Variants in USP4 observed in about 807,000 individuals in gnomAD.
USP4 encodes the protein ubiquitin specific peptidase 4.
A neutral mutation model predicts 118.2 loss-of-function variants in USP4; 72 were observed. The ratio of observed to expected loss-of-function variants is 0.61; its 90% CI spans 0.50 to 0.74. The LOEUF is 0.74. Ranked by LOEUF, USP4 falls within the 30% of genes least tolerant of loss-of-function variation. The probability of loss-of-function intolerance (pLI) is 0.00; values close to 1 mark genes in which losing one functional copy is unlikely to be tolerated. For missense variants in USP4, 1,037 were observed against 1,185.7 expected (o/e 0.87, Z 1.84); for synonymous variants, 415 against 440.4 (o/e 0.94, Z 0.72).
chr3:49,324,506 T>C (rs1273878853), intron 6 of USP4, among the ~76,000 whole-genome samples, 196 bp downstream of exon 6: 1 of 152,186 alleles, frequency 6.6e-6, no homozygotes, highest in East Asian at 1.9e-4. Context: ...TGCTGAGATA[T>C]CCTGACAGGC....
chr3:49,288,020 A>T (rs1427913313), intron 15 of USP4, among the ~76,000 whole-genome samples: 1 of 152,210 alleles, frequency 6.6e-6, no homozygotes, highest in Admixed American at 6.5e-5. Context: ...GATTTAAAAC[A>T]AAGAATCTAC....
At chr3:49,286,047 C>T in intron 16 of USP4, 51 bp downstream of exon 16, 1 of 1,562,972 alleles carries the variant, frequency 6.4e-7, no homozygotes, top group South Asian at 1.1e-5. Flanking sequence ...GATTTTCAAA[C>T]AGATCCTAAG....
chr3:49,332,255 C>A (rs192442869), intron 2 of USP4, among the ~76,000 whole-genome samples: 1 of 152,054 alleles, frequency 6.6e-6, no homozygotes, highest in Non-Finnish European at 1.5e-5. Context: ...TCAGCCTAGA[C>A]GACAGAGCGA....
intron 14 of USP4, among the ~76,000 whole-genome samples, chr3:49,293,388 G>GGAGGTGAGGGTTGCAGT (rs754445713): frequency 2.6e-5 from 4 of 152,028 alleles, no homozygotes; most frequent in Non-Finnish European, 4.4e-5. Context: ...CTTGAACCTG[G>GGAGGTGAGGGTTGCAGT]GAGGTGAGGG....
intron 2 of USP4, among the ~76,000 whole-genome samples, chr3:49,333,009 G>C (rs1430733614): frequency 6.8e-6 from 1 of 147,642 alleles, no homozygotes; most frequent in Non-Finnish European, 1.5e-5. Context: ...CGAGGTAGCA[G>C]TAGCTACCTT....
intron 8 of USP4, among the ~76,000 whole-genome samples, chr3:49,308,121 C>A (rs773857139): frequency 4.6e-5 from 7 of 152,032 alleles, no homozygotes; most frequent in Non-Finnish European, 7.4e-5. Flanking sequence ...TGTCTGTTTG[C>A]CTGGTGGGCC....
Position 49,295,736 on chromosome 3 carries a change from C to CACACACACA in USP4, c.1692-1139_1692-1138insTGTGTGTGT, listed in dbSNP as rs1336643836. 3.2e-3 allele frequency among the ~76,000 whole-genome samples: 454 copies of CACACACACA among 142,956 alleles called. 4 individuals are homozygous for CACACACACA. Among genetic ancestry groups the CACACACACA allele is most frequent in the African/African-American group, 0.012 (436 of 37,520 alleles). The allele number at this position is 142,956 out of a possible 152,430, so 93.8% of individuals were successfully genotyped here. A position where few individuals can be genotyped will look rare whatever the true frequency, so the allele number is the denominator to read the frequency against. On this transcript the variant is annotated intron_variant, in intron 13 of 21. Coordinates refer to ENST00000265560, the MANE Select transcript of USP4 (RefSeq NM_003363.4). ...CGCGCACACACACACACACACACAC[C>CACACACACA]CCCCCCTCCCCAAATGCCTAGCAAA...
At chr3:49,324,617 T>A (rs776502267) in intron 6 of USP4, 85 bp downstream of exon 6, 15 of 1,283,476 alleles carry the variant, frequency 1.2e-5, no homozygotes, top group Non-Finnish European at 1.6e-5. Context: ...ATCAGAACAA[T>A]TTTTCTTAGT....
chr3:49,296,393 T>C lies in USP4; in HGVS notation c.1691+1477A>G, dbSNP rs1294216761. ...GGCCGAGCACAGTGGCTCACGCCTG[T>C]AATCCCAGCACTTTGGGAGGCCAAG... On this transcript the variant is annotated intron_variant, in intron 13 of 21. Transcript: ENST00000265560. Among the ~76,000 whole-genome samples, 8 of 152,190 alleles carry C rather than the reference T, an allele frequency of 5.3e-5. No individual in the cohort carries two copies. In the South Asian group the frequency reaches 1.5e-3, roughly 28 times the overall value.
intron 6 of USP4, among the ~76,000 whole-genome samples, chr3:49,318,993 T>C (rs1423901156): frequency 6.7e-6 from 1 of 149,052 alleles, no homozygotes; most frequent in Admixed American, 6.7e-5. Flanking sequence ...CCAAGAAATA[T>C]ATTAAATTGG....
chr3:49,284,698 G>A, intron 17 of USP4, 114 bp from the exon 18 acceptor site: 3 of 1,240,996 alleles, frequency 2.4e-6, no homozygotes, highest in South Asian at 1.3e-5. Context: ...TAGAGCCTCT[G>A]AATATAAAAT....
At chr3:49,313,196 C>T (rs1220037827) in intron 6 of USP4, among the ~76,000 whole-genome samples, 1 of 151,976 alleles carries the variant, frequency 6.6e-6, no homozygotes, top group African/African-American at 2.4e-5. Context: ...TGGACTGCTT[C>T]CCTGAATTTT....
rs984131396 is a variant in USP4 at position 49,328,614 on chromosome 3, C to A, written c.230-798G>T. On this transcript the variant is annotated intron_variant, in intron 2 of 21. Transcript: ENST00000265560. ...TTGGCTCATGCCTGTAATTCCAGCA[C>A]TTTGGGAGGCTGAGGCAGGCAGATC... 4.6e-5 allele frequency among the ~76,000 whole-genome samples: 7 copies of A among 151,974 alleles called. No homozygotes were observed. In the East Asian group the frequency reaches 1.4e-3, roughly 29 times the overall value.
intron 3 of USP4, among the ~76,000 whole-genome samples, chr3:49,326,109 G>A (rs959127661): frequency 1.3e-5 from 2 of 152,084 alleles, no homozygotes; most frequent in Non-Finnish European, 2.9e-5. Flanking sequence ...TTGAGGTCAG[G>A]AATTTGAGAC....
Position 49,308,784 on chromosome 3 carries a change from T to C in USP4, c.954+1836A>G, listed in dbSNP as rs373656458. On this transcript the variant is annotated intron_variant, in intron 8 of 21. Coordinates refer to ENST00000265560, the MANE Select transcript of USP4 (RefSeq NM_003363.4). ...GGCTCATGCCTGTAATCCCAGCACT[T>C]TGGGAGGCTGAGGTGGGTGGATCAC... 1.3e-4 allele frequency among the ~76,000 whole-genome samples: 19 copies of C among 151,466 alleles called. No homozygotes were observed. In the East Asian group the frequency reaches 2.6e-3, roughly 20 times the overall value.
intron 2 of USP4, among the ~76,000 whole-genome samples, chr3:49,331,993 CT>C (rs1317056685): frequency 1.3e-5 from 2 of 150,818 alleles, no homozygotes; most frequent in Non-Finnish European, 2.9e-5. Flanking sequence ...AAATACAAAG[CT>C]GGGCACAGTG....
intron 12 of USP4, 100 bp from the exon 13 acceptor site, chr3:49,298,064 C>CA: frequency 1.3e-6 from 1 of 786,448 alleles, no homozygotes; most frequent in Non-Finnish European, 2.1e-6. Flanking sequence ...TACTCATACT[C>CA]AAATGTTGCC....
At chr3:49,308,596 G>A (rs1292438409) in intron 8 of USP4, among the ~76,000 whole-genome samples, 1 of 152,018 alleles carries the variant, frequency 6.6e-6, no homozygotes, top group Non-Finnish European at 1.5e-5. Flanking sequence ...TGGGATTACA[G>A]GCGTGAGCCA....
At chr3:49,329,854 A>C (rs897111315) in intron 2 of USP4, among the ~76,000 whole-genome samples, 1 of 152,154 alleles carries the variant, frequency 6.6e-6, no homozygotes, top group East Asian at 1.9e-4. Flanking sequence ...GAAAGTTGAA[A>C]TCAAATCAGG....
Sources: gnomAD v4.1 joint callset for allele counts (sites outside exome capture counted in the v4.1 genomes callset) on GRCh38, gnomAD v4.1.1 for gene constraint, MANE v1.5 for transcripts, NCBI Gene and HGNC (gene_info 2026-07-23, HGNC 2026-07-21) for gene names.